TENT2: variants seen among roughly 807,000 people sequenced by gnomAD.
The protein encoded by TENT2 is terminal nucleotidyltransferase 2.
Under a neutral mutation model 72.2 loss-of-function variants are expected in TENT2, and 44 were observed. The observed-to-expected ratio is 0.61, with a 90% CI of 0.48 to 0.78. The LOEUF is 0.78. Among genes scored for constraint, TENT2 ranks in the 30% least tolerant of loss-of-function variants. The pLI is 0.00. For synonymous variants in TENT2, 212 were observed against 192.5 expected (o/e 1.10, Z -0.84); for missense variants, 541 against 569.6 (o/e 0.95, Z 0.51).
chr5:79,672,216 G>T (rs567852261), intron 12 of TENT2, among the ~76,000 whole-genome samples: 106 of 152,200 alleles, frequency 7.0e-4, no homozygotes, highest in Non-Finnish European at 1.1e-3. Context: ...TATTTATAGG[G>T]TATGTGAGAT....
At chr5:79,638,699 C>A (rs1414443820) in intron 4 of TENT2, among the ~76,000 whole-genome samples, 1 of 152,070 alleles carries the variant, frequency 6.6e-6, no homozygotes, top group Non-Finnish European at 1.5e-5. Flanking sequence ...TGTCTGATAC[C>A]ATGTGAATCT....
intron 11 of TENT2, among the ~76,000 whole-genome samples, chr5:79,660,983 A>C (rs1802412309): frequency 1.3e-5 from 2 of 152,176 alleles, no homozygotes; most frequent in African/African-American, 4.8e-5. Context: ...TTTTAACAAA[A>C]AAGTTTAAAA....
intron 4 of TENT2, among the ~76,000 whole-genome samples, chr5:79,635,533 TAAC>T (rs1310985359): frequency 6.6e-6 from 1 of 152,166 alleles, no homozygotes; most frequent in Admixed American, 6.5e-5. Flanking sequence ...ATAAATATAA[TAAC>T]ATTTCACTTG....
intron 5 of TENT2, 25 bp from the exon 6 acceptor site, chr5:79,641,080 T>C (rs200256692): frequency 2.0e-4 from 311 of 1,547,474 alleles, no homozygotes; most frequent in Middle Eastern, 1.4e-3. Flanking sequence ...TTAAATACTC[T>C]TATTACTTTC....
chr5:79,628,189 C>T (rs115368441), intron 4 of TENT2, among the ~76,000 whole-genome samples: 2,766 of 152,300 alleles, frequency 0.018, 95 homozygotes, highest in African/African-American at 0.062. Context: ...TCATTACTGG[C>T]ATTGTGCTCG....
chr5:79,658,382 G>A (rs1470008892), intron 11 of TENT2, among the ~76,000 whole-genome samples: 2 of 148,228 alleles, frequency 1.3e-5, no homozygotes. Flanking sequence ...TCTTAGAGAC[G>A]GTCTTGCTGT....
intron 6 of TENT2, among the ~76,000 whole-genome samples, chr5:79,641,810 T>A (rs1317989795): frequency 6.7e-6 from 1 of 148,530 alleles, no homozygotes; most frequent in Non-Finnish European, 1.5e-5. Context: ...GGATTGTAGA[T>A]TTTTTTTTTT....
At chr5:79,680,176 T>C (rs1324055540) in intron 13 of TENT2, among the ~76,000 whole-genome samples, 1 of 152,154 alleles carries the variant, frequency 6.6e-6, no homozygotes, top group African/African-American at 2.4e-5. Flanking sequence ...AGGGACAAAA[T>C]TATTCTCATA....
intron 12 of TENT2, among the ~76,000 whole-genome samples, chr5:79,674,276 C>T (rs998923797): frequency 2.6e-5 from 4 of 152,004 alleles, no homozygotes; most frequent in Admixed American, 6.6e-5. Flanking sequence ...CAGCTACTCA[C>T]GAGGCTGAGG....
intron 12 of TENT2, among the ~76,000 whole-genome samples, chr5:79,676,106 ATATT>A (rs901832919): frequency 1.3e-5 from 2 of 151,768 alleles, no homozygotes; most frequent in Admixed American, 1.3e-4. Context: ...AAAATTATAT[ATATT>A]TGTTCACTTA....
At chr5:79,681,050 T>C (rs961607429) in intron 13 of TENT2, among the ~76,000 whole-genome samples, 18 of 152,040 alleles carry the variant, frequency 1.2e-4, no homozygotes, top group Admixed American at 7.2e-4. Context: ...ATAAAAACTG[T>C]TCCTTTGTTT....
Position 79,641,320 on chromosome 5 carries a change from A to C in TENT2, c.672+124A>C. On this transcript the variant is annotated intron_variant, in intron 6 of 14. Transcript: ENST00000453514. The stretch of plus-strand genomic sequence containing the variant: ...ATTACTTCTTTGAATTTTGTTTACC[A>C]TAATTGCAGGAAACCTAGGTAATTT... 7 of 756,054 alleles carry C rather than the reference A, an allele frequency of 9.3e-6. No individual in the cohort carries two copies. In the South Asian group the frequency reaches 1.6e-4, roughly 17 times the overall value. The allele number at this position is 756,054 out of a possible 1,614,324, so 46.8% of individuals were successfully genotyped here.
chr5:79,619,824 T>C (rs764200298), intron 2 of TENT2, 39 bp downstream of exon 2: 8 of 1,586,504 alleles, frequency 5.0e-6, no homozygotes, highest in Admixed American at 1.8e-5. Flanking sequence ...TGTTGGTAAA[T>C]TTCATTTTCT....
intron 1 of TENT2, among the ~76,000 whole-genome samples, chr5:79,616,152 G>A (rs142612244): frequency 0.014 from 2,012 of 144,398 alleles, 40 homozygotes; most frequent in African/African-American, 0.048. Flanking sequence ...CTCCCAGAGT[G>A]TTGGGATTAT....
At chr5:79,651,331 AC>A (rs1192836611) in intron 10 of TENT2, among the ~76,000 whole-genome samples, 2 of 152,014 alleles carry the variant, frequency 1.3e-5, no homozygotes, top group African/African-American at 2.4e-5. Flanking sequence ...TAATGTTCTT[AC>A]ATTTTCTTTT....
intron 11 of TENT2, among the ~76,000 whole-genome samples, chr5:79,663,476 A>G (rs1171120786): frequency 6.6e-6 from 1 of 152,134 alleles, no homozygotes; most frequent in Non-Finnish European, 1.5e-5. Flanking sequence ...TTGGTCGGCC[A>G]TTGTAGAGTT....
chr5:79,659,595 A>ATATATATATAG (rs1561547891), intron 11 of TENT2, among the ~76,000 whole-genome samples: 1 of 79,180 alleles, frequency 1.3e-5, no homozygotes, highest in Non-Finnish European at 2.8e-5. Context: ...TATATATATA[A>ATATATATATAG]TAGCCATCGT....
chr5:79,623,712 A>C (rs1766949971), intron 4 of TENT2: 1 of 357,716 alleles, frequency 2.8e-6, no homozygotes, highest in Non-Finnish European at 5.0e-6. Flanking sequence ...TCCCTGATAT[A>C]TGAAAATTTT....
intron 11 of TENT2, among the ~76,000 whole-genome samples, chr5:79,664,129 TCAC>T (rs1409073263): frequency 2.0e-5 from 3 of 152,196 alleles, no homozygotes; most frequent in African/African-American, 4.8e-5. Context: ...TGCAAATACT[TCAC>T]CATTTCATAT....
Sources: allele counts gnomAD v4.1 joint callset (sites outside exome capture counted in the v4.1 genomes callset), GRCh38; gene constraint gnomAD v4.1.1; transcripts MANE v1.5; gene names NCBI Gene and HGNC (gene_info 2026-07-23, HGNC 2026-07-21).